Variants in PLIN4 observed in about 807,000 individuals in gnomAD.
PLIN4 encodes perilipin-4.
A neutral mutation model predicts 52.4 loss-of-function variants in PLIN4; 57 were observed. The ratio of observed to expected loss-of-function variants is 1.09; its 90% CI spans 0.88 to 1.36. The LOEUF is 1.36. Ranked by LOEUF, PLIN4 falls within the 40% of genes most tolerant of loss-of-function variation. The probability of loss-of-function intolerance (pLI) is 0.00; values close to 1 mark genes in which losing one functional copy is unlikely to be tolerated. For synonymous variants in PLIN4, 826 were observed against 785.4 expected, an observed-to-expected ratio of 1.05 and a Z score of -0.86; for missense variants, 1,757 against 1,770.3, an observed-to-expected ratio of 0.99 and a Z score of 0.13.
Position 4,511,880 on chromosome 19 carries a change from T to G in PLIN4, c.2080A>C (p.Thr694Pro). The change falls in exon 5 of 8, where the codon ACC becomes CCC. Residue 694 changes from threonine (T) to proline (P), a missense_variant. This residue lies in a region of PLIN4 where 96 missense variants were observed against 136.5 expected (regional missense o/e 0.70). Coordinates refer to ENST00000301286, the MANE Select transcript of PLIN4 (RefSeq NM_001367868.2). ...TGVDTAKTVL[T>P]GTKDTVTTGL... ...GTAGTGACTGTGTCCTTGGTGCCGG[T>G]CAGCACGGTCTTGGCCGTGTCTACA... 6.2e-7 allele frequency: 1 copy of G among 1,608,892 alleles called. No homozygotes were observed. The highest frequency in any genetic ancestry group is 8.5e-7 in the Non-Finnish European group (1 of 1,175,808).
In PLIN4 at chr19:4,511,048, G is replaced by C. The variant is rs954278584; in HGVS notation, c.2912C>G (p.Ala971Gly). 1 of 1,613,438 alleles carries C rather than the reference G, an allele frequency of 6.2e-7. No individual in the cohort carries two copies. Among genetic ancestry groups the C allele is most frequent in the Non-Finnish European group, 8.5e-7 (1 of 1,179,868 alleles). ...CACGGTTCCTTTGGCCACATTCACT[G>C]CCCCCGTGACTCCAGTAGTCACTGC... is the stretch of plus-strand genomic sequence containing the variant. ...KDAVTTGVTGAVNVAKGTVQT... is the reference protein window; with the variant it reads ...KDAVTTGVTGGVNVAKGTVQT... Residue 971 changes from alanine (A) to glycine (G), a missense_variant, in exon 5 of 8, where the codon GCA (alanine) becomes GGA (glycine). Ala to Gly is a moderately conservative substitution (Grantham distance 60, BLOSUM62 0). Transcript: ENST00000301286.
chr19:4,506,392 C>A (rs758015928), intron 6 of PLIN4, among the ~76,000 whole-genome samples: 28 of 152,230 alleles, frequency 1.8e-4, no homozygotes, highest in Non-Finnish European at 3.4e-4. Context: ...GACCTGACTT[C>A]AAGTGTCCCC....
chr19:4,506,905 A>G (rs1472403471), intron 6 of PLIN4, among the ~76,000 whole-genome samples: 2 of 152,228 alleles, frequency 1.3e-5, no homozygotes, highest in African/African-American at 2.4e-5. Context: ...GGGTGGCCAC[A>G]GTGACATGAG....
At chr19:4,515,808 G>C (rs1255683492) in intron 4 of PLIN4, among the ~76,000 whole-genome samples, 1 of 152,188 alleles carries the variant, frequency 6.6e-6, no homozygotes, top group African/African-American at 2.4e-5. Flanking sequence ...TGTATTCTCA[G>C]AACACATCTC....
chr19:4,504,567 A>G lies in PLIN4; in HGVS notation c.4008T>C (p.Gly1336=). The part of the protein sequence containing the change: ...PAERLVQSRE[G]VHQAWQGLEQ... ...CTAACCCCTGCCAAGCCTGGTGCAC[A>G]CCCTCGCGGCTCTGCACCAGCCGCT... The change falls in exon 8 of 8, where the codon GGT becomes GGC. Residue 1336 remains glycine, a synonymous_variant. Coordinates refer to ENST00000301286, the MANE Select transcript of PLIN4 (RefSeq NM_001367868.2). 1.3e-6 allele frequency: 2 copies of G among 1,594,794 alleles called. No homozygotes were observed. Among genetic ancestry groups the G allele is most frequent in the Admixed American group, 1.7e-5 (1 of 58,176 alleles).
At position 4,513,412 on chromosome 19, in the gene PLIN4, G is replaced by T. The variant is rs761534925; in HGVS notation, c.548C>A (p.Ala183Asp). Residue 183 changes from alanine (A) to aspartate (D), a missense_variant, in exon 5 of 8, where the codon GCC (alanine) becomes GAC (aspartate). Coordinates refer to ENST00000301286, the MANE Select transcript of PLIN4 (RefSeq NM_001367868.2). Reference protein sequence around the residue: ...STGLTGAVNVAKGTVQAGVDT... With the variant: ...STGLTGAVNVDKGTVQAGVDT... Reference sequence around the variant, plus strand: ...CACACCGGCCTGTACGGTCCCTTTGGCCACATTCACTGCCCCCGTGAGCCC... The same window carrying T: ...CACACCGGCCTGTACGGTCCCTTTGTCCACATTCACTGCCCCCGTGAGCCC... 1.2e-6 allele frequency: 2 copies of T among 1,613,618 alleles called. No homozygotes were observed. The highest frequency in any genetic ancestry group is 1.7e-5 in the Admixed American group (1 of 60,020).
intron 5 of PLIN4, among the ~76,000 whole-genome samples, chr19:4,509,310 C>A (rs1410842589): frequency 1.2e-3 from 19 of 15,800 alleles, no homozygotes; most frequent in African/African-American, 2.4e-3. Flanking sequence ...GACTCCGTCT[C>A]AAAAAAAAAA....
At position 4,502,257 on chromosome 19, in the gene PLIN4, G is replaced by A. The variant is rs1219464151; in HGVS notation, c.*2202C>T. On this transcript the variant is annotated 3_prime_UTR_variant, in exon 8 of 8. Coordinates refer to ENST00000301286, the MANE Select transcript of PLIN4 (RefSeq NM_001367868.2). The stretch of plus-strand genomic sequence containing the variant: ...TTCTAGCATTGCTGGTGCAGTGGGG[G>A]CCTGAGCTGGGGCGCAGGCGGCAGT... The A allele has an allele frequency of 8.4e-6, 5 of 593,764 alleles. No individual in the cohort carries two copies. The Admixed American group carries it at 1.3e-4, about 15-fold the overall frequency. 36.8% of individuals were successfully genotyped at this position (593,764 alleles called of 1,614,324 possible).
Position 4,504,770 on chromosome 19 carries a change from C to G in PLIN4, c.3805G>C (p.Val1269Leu), listed in dbSNP as rs760850962. 1 of 1,599,422 alleles carries G rather than the reference C, an allele frequency of 6.3e-7. No individual in the cohort carries two copies. The highest frequency in any genetic ancestry group is 1.1e-5 in the South Asian group (1 of 90,404). ...AGAAGGCCGCAGACCCTGGACAGAA[C>G]CCCGGCATCCCGCTCCTGTGGGAGG... ...AAVQEERDAG[V>L]LSRVCGLLRQ... The change falls in exon 8 of 8, where the codon GTT becomes CTT. Residue 1269 changes from valine to leucine, a missense_variant. This residue lies in a region of PLIN4 where 712 missense variants were observed against 637.1 expected (regional missense o/e 1.12). Coordinates refer to ENST00000301286, the MANE Select transcript of PLIN4 (RefSeq NM_001367868.2).
rs529006682 is a variant in PLIN4, at chr19:4,511,056, G to A, written c.2904C>T (p.Val968=). Residue 968 remains valine (V), a synonymous_variant, in exon 5 of 8, where the codon GTC becomes GTT. Transcript: ENST00000301286. ...SGAKDAVTTG[V]TGAVNVAKGT... is the part of the protein sequence containing the mutation. ...CTTTGGCCACATTCACTGCCCCCGT[G>A]ACTCCAGTAGTCACTGCATCCTTAG... 11 of 1,613,388 alleles carry A rather than the reference G, an allele frequency of 6.8e-6. No individual in the cohort carries two copies. The highest frequency in any genetic ancestry group is 9.3e-6 in the Non-Finnish European group (11 of 1,179,882).
Position 4,511,968 on chromosome 19 carries a change from C to A in PLIN4, c.1992G>T (p.Lys664Asn), listed in dbSNP as rs749822353. ...KTTQNIATGT[K>N]NTFGSGVTSA... ...TGGTCACCCCACTGCCAAAGGTGTT[C>A]TTTGTACCTGTCGCGATATTTTGGG... is the stretch of plus-strand genomic sequence containing the variant. Residue 664 changes from lysine to asparagine, a missense_variant, in exon 5 of 8, where the codon AAG (lysine) becomes AAT (asparagine). Coordinates refer to ENST00000301286, the MANE Select transcript of PLIN4 (RefSeq NM_001367868.2). The A allele has an allele frequency of 3.7e-6, 6 of 1,602,972 alleles. No individual in the cohort carries two copies.
chr19:4,504,932 G>A lies in PLIN4; in HGVS notation c.3718C>T (p.Gln1240Ter), dbSNP rs530639659. ...DCFRLIEKAQ[Q>*]APEGQPRLDQ... is the part of the protein sequence containing the mutation. ...AGACGTGGCTGCCCTTCTGGAGCCTGCTGGGCCTTTTCAATCTGGAGAGAG... is the reference window on the plus strand; with the variant it reads ...AGACGTGGCTGCCCTTCTGGAGCCTACTGGGCCTTTTCAATCTGGAGAGAG... Residue 1240 changes from glutamine (Q) to a stop codon, truncating the protein, a stop_gained, in exon 7 of 8, where the codon CAG (glutamine) becomes TAG (stop). Coordinates refer to ENST00000301286, the MANE Select transcript of PLIN4 (RefSeq NM_001367868.2). LOFTEE classifies it high-confidence loss of function. The A allele has an allele frequency of 6.6e-5, 106 of 1,605,220 alleles. No individual in the cohort carries two copies. In the South Asian group the frequency reaches 1.1e-3, roughly 16 times the overall value.
intron 4 of PLIN4, among the ~76,000 whole-genome samples, chr19:4,514,113 C>T (rs2145296814): frequency 6.6e-6 from 1 of 152,306 alleles, no homozygotes; most frequent in East Asian, 1.9e-4. Context: ...AAATGTTGAG[C>T]CTGGCGTCCC....
In PLIN4 at chr19:4,502,877, G is replaced by A. The variant is rs1032270893; in HGVS notation, c.*1582C>T. 2.0e-5 allele frequency: 3 copies of A among 152,480 alleles called. No homozygotes were observed. The highest frequency in any genetic ancestry group is 7.2e-5 in the African/African-American group (3 of 41,450). The allele number at this position is 152,480 out of a possible 1,614,324, so 9.4% of individuals were successfully genotyped here. A position where few individuals can be genotyped will look rare whatever the true frequency, so the allele number is the denominator to read the frequency against. ...AGCCGAGTTGCCTCCGTCCCAGTAA[G>A]AATTAGGCTGTGGTGTGGCGGGAAG... On this transcript the variant is annotated 3_prime_UTR_variant, in exon 8 of 8. Transcript: ENST00000301286.
At chr19:4,516,097 T>C (rs1368034908) in intron 4 of PLIN4, among the ~76,000 whole-genome samples, 2 of 152,042 alleles carry the variant, frequency 1.3e-5, no homozygotes, top group Non-Finnish European at 2.9e-5. Flanking sequence ...GAAACCAACA[T>C]GGTGAAACCC....
At chr19:4,505,964 G>T (rs1488650928) in intron 6 of PLIN4, among the ~76,000 whole-genome samples, 1 of 151,860 alleles carries the variant, frequency 6.6e-6, no homozygotes, top group Non-Finnish European at 1.5e-5. Context: ...CTCCCACATC[G>T]GACCCGGGCA....
In PLIN4 at chr19:4,504,856, C is replaced by T. The variant is rs1371120673; in HGVS notation, c.3789+5G>A. On this transcript the variant is annotated splice_donor_5th_base_variant and intron_variant, in intron 7 of 7. Transcript: ENST00000301286. The stretch of plus-strand genomic sequence containing the variant: ...GGGGGGACCCTAGCCCTGTGCCAGA[C>T]CCACCTCCTGGACAGCAGCGTCCTC... 6.2e-7 allele frequency: 1 copy of T among 1,605,364 alleles called. No homozygotes were observed.
chr19:4,516,122 A>C (rs1777754463), intron 4 of PLIN4, among the ~76,000 whole-genome samples: 3 of 152,194 alleles, frequency 2.0e-5, no homozygotes, highest in Admixed American at 6.5e-5. Context: ...TCTACTAAAA[A>C]TACAAAAATT....
chr19:4,507,692 GTC>G (rs1281765317), intron 6 of PLIN4, among the ~76,000 whole-genome samples: 1 of 152,024 alleles, frequency 6.6e-6, no homozygotes, highest in Non-Finnish European at 1.5e-5. Flanking sequence ...CTGTCTCACT[GTC>G]TCCAAAACAT....
Sources: allele counts gnomAD v4.1 joint callset (sites outside exome capture counted in the v4.1 genomes callset), GRCh38; gene constraint gnomAD v4.1.1; regional missense constraint gnomAD v4.1.1; transcripts MANE v1.5; gene names NCBI Gene and HGNC (gene_info 2026-07-23, HGNC 2026-07-21).